The following PTPRT variants were observed in gnomAD, a reference collection of about 807,000 sequenced individuals.
The protein encoded by PTPRT is receptor-type tyrosine-protein phosphatase T.
Under a neutral mutation model 176.8 loss-of-function variants are expected in PTPRT, and 56 were observed. The observed-to-expected ratio is 0.32, with a 90% CI of 0.26 to 0.40. The LOEUF (loss-of-function observed/expected upper bound fraction) is 0.40, where lower values mean the gene tolerates loss of function less well. Among genes scored for constraint, PTPRT ranks in the 10% least tolerant of loss-of-function variants. The pLI is 1.00. For missense variants in PTPRT, 1,540 were observed against 1,908.2 expected (o/e 0.81, Z 3.60); for synonymous variants, 783 against 739.0 (o/e 1.06, Z -0.96).
chr20:42,547,641 A>G (rs1380347018), intron 7 of PTPRT, among the ~76,000 whole-genome samples: 1 of 152,070 alleles, frequency 6.6e-6, no homozygotes, highest in Non-Finnish European at 1.5e-5. Context: ...TAAAACCTAT[A>G]GTAAATAGTA....
At chr20:42,422,779 C>T (rs1056714501) in intron 9 of PTPRT, among the ~76,000 whole-genome samples, 5 of 152,028 alleles carry the variant, frequency 3.3e-5, no homozygotes, top group Non-Finnish European at 5.9e-5. Context: ...TTCACAATAG[C>T]CAACAGAATC....
chr20:42,977,169 G>T (rs1291260326), intron 1 of PTPRT, among the ~76,000 whole-genome samples: 1 of 152,140 alleles, frequency 6.6e-6, no homozygotes, highest in Non-Finnish European at 1.5e-5. Flanking sequence ...CAGATGAAAG[G>T]AGAGAATGGA....
At chr20:42,402,989 T>C (rs1368881796) in intron 9 of PTPRT, among the ~76,000 whole-genome samples, 4 of 152,162 alleles carry the variant, frequency 2.6e-5, no homozygotes, top group African/African-American at 9.6e-5. Flanking sequence ...AAGAAGGCAA[T>C]CATTATTTAA....
At chr20:42,654,642 C>T (rs2145980076) in intron 7 of PTPRT, among the ~76,000 whole-genome samples, 1 of 152,332 alleles carries the variant, frequency 6.6e-6, no homozygotes. Flanking sequence ...GTGTACCTAT[C>T]ATGTTCTGGG....
rs1405032988 is a variant in PTPRT, at chr20:42,893,874, G to T, written c.89-7942C>A. On this transcript the variant is annotated intron_variant, in intron 1 of 30. Coordinates refer to ENST00000373187, the MANE Select transcript of PTPRT (RefSeq NM_007050.6). ...TGGGGACTGTTGTGGGGTGGGGGGA[G>T]TGGGGAGGGATAGCATTAGGAGATA... Among the ~76,000 whole-genome samples the T allele has an allele frequency of 1.1e-4, 16 of 151,290 alleles. No individual in the cohort carries two copies. In the East Asian group the frequency reaches 2.5e-3, roughly 24 times the overall value.
intron 16 of PTPRT, among the ~76,000 whole-genome samples, chr20:42,161,804 T>A (rs11905818): frequency 0.037 from 5,693 of 152,186 alleles, 323 homozygotes; most frequent in African/African-American, 0.13. Flanking sequence ...TTGTTCATCA[T>A]CCCCGTCTGT....
At chr20:42,521,536 T>C (rs767032233) in intron 7 of PTPRT, among the ~76,000 whole-genome samples, 1 of 152,214 alleles carries the variant, frequency 6.6e-6, no homozygotes, top group Non-Finnish European at 1.5e-5. Flanking sequence ...TCAGAGCATA[T>C]AGCCATTCAA....
intron 1 of PTPRT, among the ~76,000 whole-genome samples, chr20:43,002,419 T>G (rs1984628283): frequency 6.6e-6 from 1 of 152,210 alleles, no homozygotes; most frequent in Admixed American, 6.5e-5. Context: ...TTACGCATAC[T>G]TTGTGTACTG....
At chr20:43,019,821 G>T (rs1287895709) in intron 1 of PTPRT, among the ~76,000 whole-genome samples, 2 of 151,796 alleles carry the variant, frequency 1.3e-5, no homozygotes, top group African/African-American at 4.8e-5. Context: ...AGAGCCAGGA[G>T]CGTTTCTTCT....
At chr20:42,299,194 C>G (rs1267198511) in intron 12 of PTPRT, among the ~76,000 whole-genome samples, 1 of 151,978 alleles carries the variant, frequency 6.6e-6, no homozygotes, top group Non-Finnish European at 1.5e-5. Flanking sequence ...TACAGCTAGG[C>G]TTTTAGAACC....
chr20:42,080,237 G>A lies in PTPRT; in HGVS notation c.*642C>T, dbSNP rs958385777. The A allele has an allele frequency of 8.6e-6, 2 of 233,032 alleles. No individual in the cohort carries two copies. 14.4% of individuals were successfully genotyped at this position (233,032 alleles called of 1,614,324 possible). A position where few individuals can be genotyped will look rare whatever the true frequency, so the allele number is the denominator to read the frequency against. On this transcript the variant is annotated 3_prime_UTR_variant, in exon 31 of 31. Transcript: ENST00000373187. ...GGACACAGCTGGCCGGCCAGTGAATGCTGGACGGTCAAGGCCCAGGCTGGG... is the reference window on the plus strand; with the variant it reads ...GGACACAGCTGGCCGGCCAGTGAATACTGGACGGTCAAGGCCCAGGCTGGG...
intron 6 of PTPRT, among the ~76,000 whole-genome samples, chr20:42,692,320 T>A (rs2075805639): frequency 6.6e-6 from 1 of 152,244 alleles, no homozygotes; most frequent in Admixed American, 6.5e-5. Context: ...AAGCCAATCC[T>A]GTGATATATA....
intron 13 of PTPRT, 90 bp from the exon 14 acceptor site, chr20:42,248,912 G>A: frequency 1.3e-5 from 19 of 1,482,128 alleles, no homozygotes; most frequent in Non-Finnish European, 1.8e-5. Context: ...TCCTTTAGTT[G>A]AGTGCTAACT....
intron 7 of PTPRT, among the ~76,000 whole-genome samples, chr20:42,493,179 G>T (rs1022215796): frequency 1.3e-5 from 2 of 152,146 alleles, no homozygotes; most frequent in African/African-American, 4.8e-5. Context: ...AAGTCACAAA[G>T]TTCCTGTTTT....
In PTPRT at chr20:42,248,689, C is replaced by A; in HGVS notation, c.2310G>T (p.Arg770Ser). ...TGCAGGCAGCAGCAGAGACTCACCT[C>A]CTTTTGATGGTGAGCATCACGCCCA... ...ILLGVMLTIKRRRNAYSYSYY... is the reference protein window; with the variant it reads ...ILLGVMLTIKSRRNAYSYSYY... The change falls in exon 14 of 31, where the codon AGG (arginine) becomes AGT (serine). Residue 770 changes from arginine to serine, a missense_variant and splice_region_variant. Arg to Ser is a moderately radical substitution (Grantham distance 110). Transcript: ENST00000373187. 6.2e-7 allele frequency: 1 copy of A among 1,613,848 alleles called. No homozygotes were observed. The highest frequency in any genetic ancestry group is 8.5e-7 in the Non-Finnish European group (1 of 1,179,810).
At chr20:43,129,450 G>T (rs920910548) in intron 1 of PTPRT, among the ~76,000 whole-genome samples, 3 of 152,002 alleles carry the variant, frequency 2.0e-5, no homozygotes, top group African/African-American at 7.2e-5. Flanking sequence ...AGCTCTGCCT[G>T]CCACACCCTT....
At chr20:42,601,442 T>A (rs774223753) in intron 7 of PTPRT, among the ~76,000 whole-genome samples, 1 of 152,210 alleles carries the variant, frequency 6.6e-6, no homozygotes, top group Non-Finnish European at 1.5e-5. Context: ...CATAAAATCC[T>A]TGTGAGATTT....
At position 42,646,882 on chromosome 20, in the gene PTPRT, C is replaced by CTTTTTTTTTTTT. The variant is rs1161994908; in HGVS notation, c.1153+30972_1153+30983dup. On this transcript the variant is annotated intron_variant, in intron 7 of 30. Transcript: ENST00000373187. The stretch of plus-strand genomic sequence containing the variant: ...TCTAGAGATCCCAACCTAAGACAGC[C>CTTTTTTTTTTTT]TTTTTTTTTTTTTTTTTTTTTTTTT... 9.2e-4 allele frequency among the ~76,000 whole-genome samples: 70 copies of CTTTTTTTTTTTT among 76,282 alleles called. 14 individuals carry two copies. The highest frequency in any genetic ancestry group is 5.2e-3 in the African/African-American group (69 of 13,366). The allele number at this position is 76,282 out of a possible 152,430, so 50.0% of individuals were successfully genotyped here. A position where few individuals can be genotyped will look rare whatever the true frequency, so the allele number is the denominator to read the frequency against.
At chr20:42,036,627 A>C in the PTPRT span, among the ~76,000 whole-genome samples, 2 of 152,296 alleles carry the variant, frequency 1.3e-5, no homozygotes, top group South Asian at 4.1e-4. Context: ...AGAGCACTTA[A>C]AAGTCCAGCA....
Sources: allele counts gnomAD v4.1 joint callset (sites outside exome capture counted in the v4.1 genomes callset), GRCh38; gene constraint gnomAD v4.1.1; transcripts MANE v1.5; gene names NCBI Gene and HGNC (gene_info 2026-07-23, HGNC 2026-07-21).